The following CCDC178 variants were observed in gnomAD, a reference collection of about 807,000 sequenced individuals.
The protein encoded by CCDC178 is coiled-coil domain containing 178.
CCDC178 carries 126 observed loss-of-function variants against 117.4 expected under a neutral mutation model. That is an observed-to-expected ratio of 1.07 (90% CI 0.93 to 1.24). The LOEUF is 1.24. CCDC178 is among the 50% of genes most tolerant of loss of function. CCDC178 has a pLI of 0.00. For missense variants in CCDC178, 1,030 were observed against 986.9 expected, an observed-to-expected ratio of 1.04 and a Z score of -0.59; for synonymous variants, 283 against 313.4, an observed-to-expected ratio of 0.90 and a Z score of 1.02.
intron 21 of CCDC178, among the ~76,000 whole-genome samples, chr18:33,041,228 T>C (rs1598817766): frequency 6.6e-6 from 1 of 151,850 alleles, no homozygotes; most frequent in African/African-American, 2.4e-5. Context: ...AGACATCTTA[T>C]TGATGTTTTG....
intron 2 of CCDC178, among the ~76,000 whole-genome samples, chr18:33,433,599 G>A (rs987932936): frequency 2.0e-5 from 3 of 152,080 alleles, no homozygotes; most frequent in Non-Finnish European, 4.4e-5. Flanking sequence ...AGACTAAAAT[G>A]AATAAGAAAA....
chr18:33,331,364 T>C (rs1263052442), intron 10 of CCDC178, among the ~76,000 whole-genome samples: 2 of 152,086 alleles, frequency 1.3e-5, no homozygotes, highest in Non-Finnish European at 2.9e-5. Context: ...ATCCTTTTGC[T>C]CTTCAGCCAT....
chr18:33,216,365 T>A lies in CCDC178; in HGVS notation c.1933-670A>T, dbSNP rs1475257298. Among the ~76,000 whole-genome samples, 3 of 152,082 alleles carry A rather than the reference T, an allele frequency of 2.0e-5. No individual in the cohort carries two copies. The East Asian group carries it at 5.8e-4, about 29-fold the overall frequency. ...GCCAATATTTACTACCAGCACTTCTTTCCATGGTAGGCCTGTGCAATTCCA... is the reference window on the plus strand; with the variant it reads ...GCCAATATTTACTACCAGCACTTCTATCCATGGTAGGCCTGTGCAATTCCA... On this transcript the variant is annotated intron_variant, in intron 18 of 22. Coordinates refer to ENST00000383096, the MANE Select transcript of CCDC178 (RefSeq NM_001105528.4).
At chr18:33,235,592 C>A (rs143605889) in intron 15 of CCDC178, among the ~76,000 whole-genome samples, 2 of 152,256 alleles carry the variant, frequency 1.3e-5, no homozygotes, top group Non-Finnish European at 2.9e-5. Flanking sequence ...TAAGTTTCCA[C>A]TTAGTTCTAG....
intron 21 of CCDC178, among the ~76,000 whole-genome samples, chr18:33,030,568 G>GAT (rs2056320754): frequency 2.6e-5 from 4 of 151,898 alleles, no homozygotes; most frequent in African/African-American, 4.8e-5. Context: ...TAGATAGATA[G>GAT]AGGTAGATAT....
At position 32,974,402 on chromosome 18, in the gene CCDC178, T is replaced by C. The variant is rs548927967; in HGVS notation, c.2523+145A>G. 8.9e-5 allele frequency: 62 copies of C among 699,380 alleles called. No homozygotes were observed. In the African/African-American group the frequency reaches 1.0e-3, roughly 11 times the overall value. The allele number at this position is 699,380 out of a possible 1,614,324, so 43.3% of individuals were successfully genotyped here. A position where few individuals can be genotyped will look rare whatever the true frequency, so the allele number is the denominator to read the frequency against. On this transcript the variant is annotated intron_variant, in intron 22 of 22. Transcript: ENST00000383096. Reference sequence around the variant, plus strand: ...ATATGTGCTAACTTACTGAATTCATTCTTCATGCAATTCCAGTTTATTAAA... The same window carrying C: ...ATATGTGCTAACTTACTGAATTCATCCTTCATGCAATTCCAGTTTATTAAA...
intron 12 of CCDC178, among the ~76,000 whole-genome samples, chr18:33,291,557 C>A (rs1468539487): frequency 1.3e-5 from 2 of 152,082 alleles, no homozygotes; most frequent in Non-Finnish European, 1.5e-5. Flanking sequence ...GGTAGGAATG[C>A]AAATTGGCAT....
intron 20 of CCDC178, among the ~76,000 whole-genome samples, chr18:33,107,959 G>C (rs2057729876): frequency 1.3e-5 from 2 of 151,638 alleles, no homozygotes; most frequent in South Asian, 4.1e-4. Context: ...AATTTTTTGA[G>C]ATCTTGGCTC....
rs200591549 is a variant in CCDC178 at position 33,325,086 on chromosome 18, A to C, written c.880-1453T>G. On this transcript the variant is annotated intron_variant, in intron 10 of 22. Transcript: ENST00000383096. The stretch of plus-strand genomic sequence containing the variant: ...GTCCTATTACATAGCAAAATTCCCC[A>C]AAATGATGTTAAATTATAATAGGGA... Among the ~76,000 whole-genome samples the C allele has an allele frequency of 2.2e-4, 34 of 151,908 alleles. No individual in the cohort carries two copies. In the East Asian group the frequency reaches 6.6e-3, roughly 29 times the overall value.
intron 21 of CCDC178, among the ~76,000 whole-genome samples, chr18:33,032,756 T>C (rs973097547): frequency 6.6e-6 from 1 of 152,008 alleles, no homozygotes; most frequent in Non-Finnish European, 1.5e-5. Flanking sequence ...GGGTACAGAT[T>C]TGGGGTAAGA....
chr18:33,290,296 C>A (rs181145442), intron 12 of CCDC178, among the ~76,000 whole-genome samples: 3 of 151,982 alleles, frequency 2.0e-5, no homozygotes, highest in African/African-American at 4.8e-5. Flanking sequence ...CCATATAGAC[C>A]AATTTTATAA....
chr18:32,956,959 T>C (rs1255074427), intron 22 of CCDC178: 1 of 143,496 alleles, frequency 7.0e-6, no homozygotes, highest in Non-Finnish European at 1.5e-5. Flanking sequence ...TAAATATTTC[T>C]AAAGGAAGGA....
intron 21 of CCDC178, among the ~76,000 whole-genome samples, chr18:32,994,504 C>T (rs991003057): frequency 6.6e-6 from 1 of 152,084 alleles, no homozygotes; most frequent in Non-Finnish European, 1.5e-5. Flanking sequence ...GTCTAAATTC[C>T]ACTTTGCCTT....
At chr18:33,056,558 A>G (rs943682407) in intron 21 of CCDC178, among the ~76,000 whole-genome samples, 1 of 152,234 alleles carries the variant, frequency 6.6e-6, no homozygotes, top group Admixed American at 6.5e-5. Flanking sequence ...GGAAAGAATC[A>G]GAACAGATAT....
At chr18:33,089,908 T>A (rs1042695545) in intron 21 of CCDC178, among the ~76,000 whole-genome samples, 2 of 152,234 alleles carry the variant, frequency 1.3e-5, no homozygotes, top group Non-Finnish European at 2.9e-5. Flanking sequence ...ATTTCTAGTG[T>A]TTTAATTTTG....
intron 21 of CCDC178, among the ~76,000 whole-genome samples, chr18:32,981,400 G>A (rs2055151514): frequency 6.6e-6 from 1 of 152,112 alleles, no homozygotes; most frequent in African/African-American, 2.4e-5. Context: ...CATCTATACT[G>A]GTTTAAACAT....
rs1405976858 is a variant in CCDC178, at chr18:32,951,427, T to C, written c.2524-13336A>G. On this transcript the variant is annotated intron_variant, in intron 22 of 22. Coordinates refer to ENST00000383096, the MANE Select transcript of CCDC178 (RefSeq NM_001105528.4). ...TGGTGGAAGGCACCTCTTCACAGGG[T>C]GGCAGGAGAGAGAATGAGTGCCAAA... Among the ~76,000 whole-genome samples the C allele has an allele frequency of 3.3e-5, 5 of 152,230 alleles. No individual in the cohort carries two copies. The South Asian group carries it at 6.2e-4, about 19-fold the overall frequency.
chr18:33,056,761 A>G (rs2056837002), intron 21 of CCDC178, among the ~76,000 whole-genome samples: 1 of 152,156 alleles, frequency 6.6e-6, no homozygotes, highest in Non-Finnish European at 1.5e-5. Flanking sequence ...TCATTGGTGG[A>G]GGGTAAACTC....
intron 11 of CCDC178, among the ~76,000 whole-genome samples, chr18:33,316,544 A>T (rs9949235): frequency 6.6e-6 from 1 of 151,824 alleles, no homozygotes; most frequent in African/African-American, 2.4e-5. Flanking sequence ...GCGCCCGGAG[A>T]GCAGGTGCAG....
Sources: allele counts gnomAD v4.1 joint callset (sites outside exome capture counted in the v4.1 genomes callset), GRCh38; gene constraint gnomAD v4.1.1; transcripts MANE v1.5; gene names NCBI Gene and HGNC (gene_info 2026-07-23, HGNC 2026-07-21).